Variants in CRY1 observed in about 807,000 individuals in gnomAD.
The protein encoded by CRY1 is cryptochrome-1.
A neutral mutation model predicts 76.0 loss-of-function variants in CRY1; 45 were observed. That is an observed-to-expected ratio of 0.59 (90% CI 0.47 to 0.76). CRY1 has a LOEUF of 0.76. CRY1 is among the 30% of genes least tolerant of loss of function. The pLI, the probability that CRY1 is intolerant of heterozygous loss-of-function variation, is 0.00. For missense variants in CRY1, 587 were observed against 716.4 expected (o/e 0.82, Z 2.06); for synonymous variants, 248 against 244.0 (o/e 1.02, Z -0.15).
At chr12:107,027,421 C>A (rs1340788209) in intron 1 of CRY1, among the ~76,000 whole-genome samples, 1 of 152,126 alleles carries the variant, frequency 6.6e-6, no homozygotes, top group Admixed American at 6.5e-5. Flanking sequence ...GTTATTACTG[C>A]TATTAACTAC....
chr12:107,004,202 A>T (rs376344499), intron 3 of CRY1, among the ~76,000 whole-genome samples: 12 of 152,284 alleles, frequency 7.9e-5, no homozygotes, highest in African/African-American at 2.9e-4. Flanking sequence ...AAAGTTAAGC[A>T]AATTGGTGAG....
chr12:107,080,639 CA>C (rs1236113523), intron 1 of CRY1, among the ~76,000 whole-genome samples: 1 of 150,632 alleles, frequency 6.6e-6, no homozygotes, highest in Non-Finnish European at 1.5e-5. Flanking sequence ...TCAAATGTGT[CA>C]AACATTGTTA....
chr12:106,997,688 C>A lies in CRY1; in HGVS notation c.1292G>T (p.Arg431Leu). The change falls in exon 9 of 13, where the codon CGT becomes CTT. Residue 431 changes from arginine to leucine, a missense_variant and splice_region_variant. Transcript: ENST00000008527. ...GAAGCCTCTTAGGACAGGCAAATAA[C>A]GCCTTTGGGAGAAAAAAGAAAGATT... is the stretch of plus-strand genomic sequence containing the variant. ...RTDPNGDYIR[R>L]YLPVLRGFPA... is the part of the protein sequence containing the mutation. 1 of 1,613,584 alleles carries A rather than the reference C, an allele frequency of 6.2e-7. No homozygotes were observed.
At chr12:107,067,376 A>G (rs1953125787) in intron 1 of CRY1, among the ~76,000 whole-genome samples, 1 of 152,188 alleles carries the variant, frequency 6.6e-6, no homozygotes, top group African/African-American at 2.4e-5. Context: ...CTGATACACA[A>G]GAGAATTTTA....
intron 2 of CRY1, among the ~76,000 whole-genome samples, chr12:107,009,561 A>AATATATAT (rs1952417379): frequency 3.6e-5 from 1 of 27,532 alleles, no homozygotes; most frequent in African/African-American, 1.0e-4. Flanking sequence ...AAAACAAAAA[A>AATATATAT]ACATATATAT....
intron 1 of CRY1, among the ~76,000 whole-genome samples, chr12:107,073,545 G>A (rs1261583250): frequency 6.6e-6 from 1 of 152,056 alleles, no homozygotes; most frequent in Non-Finnish European, 1.5e-5. Context: ...TGGCCAACAT[G>A]GTAAAATCCT....
Position 106,999,700 on chromosome 12 carries a change from A to C in CRY1, c.988T>G (p.Trp330Gly). 1 of 1,614,222 alleles carries C rather than the reference A, an allele frequency of 6.2e-7. No homozygotes were observed. Among genetic ancestry groups the C allele is most frequent in the Non-Finnish European group, 8.5e-7 (1 of 1,180,032 alleles). ...GGAAAGCCTGTCCGGCCTTCCGCCC[A>C]TTTGGCTAAAGCCTCAGGATTTTTA... ...WDKNPEALAKWAEGRTGFPWI... is the reference protein window; with the variant it reads ...WDKNPEALAKGAEGRTGFPWI... Residue 330 changes from tryptophan to glycine, a missense_variant, in exon 7 of 13, where the codon TGG (tryptophan) becomes GGG (glycine). By Grantham distance (184) the Trp-to-Gly change is radical. Transcript: ENST00000008527.
intron 2 of CRY1, among the ~76,000 whole-genome samples, chr12:107,006,363 G>A (rs994897000): frequency 1.3e-5 from 2 of 151,342 alleles, no homozygotes; most frequent in South Asian, 2.1e-4. Context: ...CGACAGGAGC[G>A]AGGCTCCATC....
chr12:107,000,524 A>G (rs764291218), intron 5 of CRY1, among the ~76,000 whole-genome samples: 15 of 151,840 alleles, frequency 9.9e-5, no homozygotes, highest in Non-Finnish European at 2.1e-4. Context: ...TAATTTTTGT[A>G]TTTTTAGTAG....
At chr12:107,085,566 G>GA (rs1290518184) in intron 1 of CRY1, among the ~76,000 whole-genome samples, 1 of 152,124 alleles carries the variant, frequency 6.6e-6, no homozygotes, top group Non-Finnish European at 1.5e-5. Context: ...CATAGGAACA[G>GA]AAAACCAAAC....
At chr12:106,994,253 G>T (rs1271750206) in intron 10 of CRY1, among the ~76,000 whole-genome samples, 1 of 152,138 alleles carries the variant, frequency 6.6e-6, no homozygotes, top group Non-Finnish European at 1.5e-5. Flanking sequence ...AGCCCAAGCC[G>T]TGTCTTTTCA....
intron 1 of CRY1, among the ~76,000 whole-genome samples, chr12:107,057,811 C>T (rs1593529778): frequency 6.6e-6 from 1 of 152,148 alleles, no homozygotes; most frequent in Middle Eastern, 3.4e-3. Context: ...GTAACTGCAA[C>T]ACTTTGGAAG....
At chr12:107,006,347 A>G (rs1952374524) in intron 2 of CRY1, among the ~76,000 whole-genome samples, 1 of 151,944 alleles carries the variant, frequency 6.6e-6, no homozygotes, top group Admixed American at 6.6e-5. Context: ...TGCACTCCAG[A>G]CTGAGCGACA....
intron 2 of CRY1, 124 bp downstream of exon 2, chr12:107,021,960 C>A: frequency 1.4e-6 from 1 of 700,954 alleles, no homozygotes; most frequent in Non-Finnish European, 2.3e-6. Flanking sequence ...AAAAAAAACC[C>A]ACAAAATTTT....
Position 107,068,753 on chromosome 12 carries a change from T to C in CRY1, c.158+24051A>G, listed in dbSNP as rs547498242. On this transcript the variant is annotated intron_variant, in intron 1 of 12. Transcript: ENST00000008527. ...ACCCATTAAGGAATCACTCTCTATT[T>C]TTCCCCCTGCCCCGAGCTACCACTA... 1.3e-3 allele frequency among the ~76,000 whole-genome samples: 201 copies of C among 152,302 alleles called. 2 individuals carry two copies. The highest frequency in any genetic ancestry group is 2.7e-3 in the Non-Finnish European group (185 of 68,022).
chr12:107,012,220 CTAGCTTCA>C (rs1952453003), intron 2 of CRY1, among the ~76,000 whole-genome samples: 1 of 152,110 alleles, frequency 6.6e-6, no homozygotes, highest in South Asian at 2.1e-4. Context: ...AAGTCAATGC[CTAGCTTCA>C]AAGCTTCAAA....
At chr12:107,060,480 T>C (rs1201136866) in intron 1 of CRY1, among the ~76,000 whole-genome samples, 1 of 152,212 alleles carries the variant, frequency 6.6e-6, no homozygotes, top group Non-Finnish European at 1.5e-5. Context: ...ATAAGCAATA[T>C]ATTTTTGTTC....
chr12:107,044,943 T>C (rs1046586348), intron 1 of CRY1, among the ~76,000 whole-genome samples: 2 of 152,066 alleles, frequency 1.3e-5, no homozygotes, highest in African/African-American at 4.8e-5. Flanking sequence ...GGAAAAGGTG[T>C]AGAAAAACCT....
At chr12:107,090,021 G>C (rs1953451878) in intron 1 of CRY1, among the ~76,000 whole-genome samples, 1 of 151,946 alleles carries the variant, frequency 6.6e-6, no homozygotes, top group African/African-American at 2.4e-5. Flanking sequence ...TTCTCCTCTT[G>C]ACCTATCGGT....
Sources: allele counts gnomAD v4.1 joint callset (sites outside exome capture counted in the v4.1 genomes callset), GRCh38; gene constraint gnomAD v4.1.1; transcripts MANE v1.5; gene names NCBI Gene and HGNC (gene_info 2026-07-23, HGNC 2026-07-21).